CYBRD1: variants seen among roughly 807,000 people sequenced by gnomAD.
CYBRD1 encodes the protein plasma membrane ascorbate-dependent reductase CYBRD1.
A neutral mutation model predicts 21.9 loss-of-function variants in CYBRD1; 14 were observed. The ratio of observed to expected loss-of-function variants is 0.64; its 90% CI spans 0.42 to 1.00. CYBRD1 has a LOEUF of 1.00. Among genes scored for constraint, CYBRD1 ranks in the 50% least tolerant of loss-of-function variants. The pLI, the probability that CYBRD1 is intolerant of heterozygous loss-of-function variation, is 0.00. For synonymous variants in CYBRD1, 146 were observed against 136.5 expected, an observed-to-expected ratio of 1.07 and a Z score of -0.48; for missense variants, 328 against 352.5, an observed-to-expected ratio of 0.93 and a Z score of 0.56.
At chr2:171,541,253 A>T (rs576888481) in intron 1 of CYBRD1, 61 of 378,838 alleles carry the variant, frequency 1.6e-4, no homozygotes, top group African/African-American at 1.1e-3. Flanking sequence ...AATTTTTTGG[A>T]GTCCCTGCCA....
chr2:171,554,567 G>C lies in CYBRD1; in HGVS notation c.601G>C (p.Val201Leu), dbSNP rs773851558. Residue 201 changes from valine (V) to leucine (L), a missense_variant, in exon 4 of 4, where the codon GTA (valine) becomes CTA (leucine). Coordinates refer to ENST00000321348, the MANE Select transcript of CYBRD1 (RefSeq NM_024843.4). ...TACATTCCCGCCAGAAGGTGTTTTC[G>C]TAAATACGCTTGGCCTTCTGATCCT... ...YSTFPPEGVF[V>L]NTLGLLILVF... 2 of 1,613,894 alleles carry C rather than the reference G, an allele frequency of 1.2e-6. No individual in the cohort carries two copies. The highest frequency in any genetic ancestry group is 2.2e-5 in the South Asian group (2 of 91,066).
intron 1 of CYBRD1, among the ~76,000 whole-genome samples, chr2:171,532,041 G>A (rs899289876): frequency 6.6e-6 from 1 of 152,168 alleles, no homozygotes; most frequent in Non-Finnish European, 1.5e-5. Context: ...TTCGTGCTGT[G>A]AGACAGTTTG....
At chr2:171,539,513 G>A (rs1697596826) in intron 1 of CYBRD1, among the ~76,000 whole-genome samples, 1 of 152,046 alleles carries the variant, frequency 6.6e-6, no homozygotes, top group Non-Finnish European at 1.5e-5. Context: ...CTGATATAGT[G>A]GAATCCATCG....
At chr2:171,524,096 T>G (rs1443362295) in intron 1 of CYBRD1, among the ~76,000 whole-genome samples, 1 of 152,204 alleles carries the variant, frequency 6.6e-6, no homozygotes, top group Admixed American at 6.5e-5. Flanking sequence ...TACTGCAGCT[T>G]TGGCAAGTGT....
At chr2:171,546,693 G>A (rs1697721209) in intron 2 of CYBRD1, among the ~76,000 whole-genome samples, 1 of 152,142 alleles carries the variant, frequency 6.6e-6, no homozygotes, top group Middle Eastern at 3.2e-3. Context: ...TGGTAGATAG[G>A]AAGTGTTCTG....
intron 1 of CYBRD1, among the ~76,000 whole-genome samples, chr2:171,533,684 T>C (rs1697503554): frequency 1.3e-5 from 2 of 152,226 alleles, no homozygotes; most frequent in Admixed American, 1.3e-4. Flanking sequence ...GATTACATTT[T>C]AGAGAGTATA....
At chr2:171,543,411 C>T (rs892453873) in intron 2 of CYBRD1, among the ~76,000 whole-genome samples, 1 of 152,182 alleles carries the variant, frequency 6.6e-6, no homozygotes, top group Non-Finnish European at 1.5e-5. Context: ...CTTCATCTCC[C>T]TACCAGCAAT....
At chr2:171,537,347 C>T (rs1400255350) in intron 1 of CYBRD1, among the ~76,000 whole-genome samples, 2 of 152,000 alleles carry the variant, frequency 1.3e-5, no homozygotes, top group Admixed American at 1.3e-4. Flanking sequence ...ATTTGCTTTC[C>T]CAGGAAACTA....
chr2:171,534,340 A>G (rs1048982700), intron 1 of CYBRD1, among the ~76,000 whole-genome samples: 3 of 152,034 alleles, frequency 2.0e-5, no homozygotes, highest in Non-Finnish European at 4.4e-5. Context: ...TTCTCATTGA[A>G]CCTCAGGAAT....
At position 171,522,822 on chromosome 2, in the gene CYBRD1, C is replaced by T. The variant is rs1697328378; in HGVS notation, c.193+84C>T. On this transcript the variant is annotated intron_variant, in intron 1 of 3. Transcript: ENST00000321348. This position sits in a 1 kb window ranked among gnomAD's most constrained non-coding sequence, Gnocchi z 4.3. Reference sequence around the variant, plus strand: ...GGGTCCTCCGTGAAGCCCCTTCCAGCTGAGGAAGTGCTGGAGGATCGCGGG... The same window carrying T: ...GGGTCCTCCGTGAAGCCCCTTCCAGTTGAGGAAGTGCTGGAGGATCGCGGG... 1 of 1,585,190 alleles carries T rather than the reference C, an allele frequency of 6.3e-7. No homozygotes were observed.
At chr2:171,536,777 A>G (rs886854573) in intron 1 of CYBRD1, among the ~76,000 whole-genome samples, 5 of 152,146 alleles carry the variant, frequency 3.3e-5, no homozygotes, top group Non-Finnish European at 5.9e-5. Context: ...TTATTTTGGG[A>G]ATTTTTGATA....
intron 3 of CYBRD1, 30 bp downstream of exon 3, chr2:171,553,530 A>G: frequency 1.3e-6 from 2 of 1,582,008 alleles, no homozygotes; most frequent in Non-Finnish European, 8.6e-7. Context: ...TAATTGTAAT[A>G]CTTAAGCCAC....
chr2:171,535,949 TC>T lies in CYBRD1; in HGVS notation c.194-5635del, dbSNP rs1433033270. 3.9e-5 allele frequency among the ~76,000 whole-genome samples: 6 copies of T among 151,918 alleles called. No individual in the cohort carries two copies. The East Asian group carries it at 1.2e-3, about 29-fold the overall frequency. ...GCCGCTGTGCCTGGCCCCCACACTT[TC>T]TAAAAGTAAACTTTTTACTGAAGAA... On this transcript the variant is annotated intron_variant, in intron 1 of 3. Transcript: ENST00000321348.
intron 1 of CYBRD1, among the ~76,000 whole-genome samples, chr2:171,532,997 A>G (rs926799162): frequency 6.6e-6 from 1 of 152,086 alleles, no homozygotes; most frequent in Non-Finnish European, 1.5e-5. Flanking sequence ...AAAAAAAGTA[A>G]AAGAGGATTT....
chr2:171,544,731 T>C (rs1454661573), intron 2 of CYBRD1, among the ~76,000 whole-genome samples: 1 of 152,112 alleles, frequency 6.6e-6, no homozygotes, highest in Non-Finnish European at 1.5e-5. Context: ...TCCTATAGAG[T>C]ATCTTATCCT....
intron 2 of CYBRD1, among the ~76,000 whole-genome samples, chr2:171,552,620 G>C (rs1417738498): frequency 6.6e-6 from 1 of 152,182 alleles, no homozygotes; most frequent in Non-Finnish European, 1.5e-5. Context: ...TCTTGTTGAA[G>C]AGAGGATACT....
At chr2:171,523,002 G>T in intron 1 of CYBRD1, 3 of 519,256 alleles carry the variant, frequency 5.8e-6, no homozygotes, top group Non-Finnish European at 1.0e-5. Flanking sequence ...GCTGGGGGCG[G>T]CGGAGCGGGG....
chr2:171,541,522 T>A, intron 1 of CYBRD1, 63 bp from the exon 2 acceptor site: 1 of 1,516,498 alleles, frequency 6.6e-7, no homozygotes, highest in Non-Finnish European at 9.1e-7. Context: ...TGTCAAACTG[T>A]TCATTTTGTG....
chr2:171,553,952 C>T (rs1449097347), intron 3 of CYBRD1, among the ~76,000 whole-genome samples: 1 of 152,152 alleles, frequency 6.6e-6, no homozygotes, highest in African/African-American at 2.4e-5. Flanking sequence ...AATGAAAGTA[C>T]ACTCCACAGG....
Sources: gnomAD v4.1 joint callset for allele counts (sites outside exome capture counted in the v4.1 genomes callset) on GRCh38, gnomAD v4.1.1 for gene constraint, Gnocchi (gnomAD v3.1) non-coding constraint, MANE v1.5 for transcripts, NCBI Gene and HGNC (gene_info 2026-07-23, HGNC 2026-07-21) for gene names.